Variants in SYNE1 observed in about 807,000 individuals in gnomAD.
SYNE1 encodes spectrin repeat containing nuclear envelope protein 1.
A neutral mutation model predicts 1,111.0 loss-of-function variants in SYNE1; 616 were observed. That is an observed-to-expected ratio of 0.55 (90% CI 0.52 to 0.59). The LOEUF is 0.59. Ranked by LOEUF, SYNE1 falls within the 20% of genes least tolerant of loss-of-function variation. The pLI is 0.00. For missense variants in SYNE1, 10,006 were observed against 10,417.0 expected (o/e 0.96, Z 1.72); for synonymous variants, 3,855 against 3,825.8 (o/e 1.01, Z -0.28).
At chr6:152,502,774 T>G in intron 9 of SYNE1, 32 bp from the exon 10 acceptor site, 1 of 1,452,076 alleles carries the variant, frequency 6.9e-7, no homozygotes, top group Non-Finnish European at 9.7e-7. Context: ...GTGAATAAAC[T>G]AATTAGCATT....
At chr6:152,497,197 C>G (rs991670879) in intron 11 of SYNE1, among the ~76,000 whole-genome samples, 3 of 152,156 alleles carry the variant, frequency 2.0e-5, no homozygotes, top group Non-Finnish European at 2.9e-5. Context: ...TAATCTCCAT[C>G]ATCTAACACA....
rs565595895 is a variant in SYNE1 at position 152,203,682 on chromosome 6, T to A, written c.23020-1733A>T. 4.6e-3 allele frequency among the ~76,000 whole-genome samples: 708 copies of A among 152,304 alleles called. 6 individuals carry two copies. Among genetic ancestry groups the A allele is most frequent in the Non-Finnish European group, 6.3e-3 (431 of 68,012 alleles). Reference sequence around the variant, plus strand: ...AGAGGTGTTATTACCACAACTATTTTCTGGAAGCAGTGTTGACTAAAGTGC... The same window carrying A: ...AGAGGTGTTATTACCACAACTATTTACTGGAAGCAGTGTTGACTAAAGTGC... On this transcript the variant is annotated intron_variant, in intron 126 of 145. Coordinates refer to ENST00000367255, the MANE Select transcript of SYNE1 (RefSeq NM_182961.4).
At chr6:152,559,582 T>G (rs2099388023) in intron 3 of SYNE1, among the ~76,000 whole-genome samples, 1 of 152,106 alleles carries the variant, frequency 6.6e-6, no homozygotes, top group African/African-American at 2.4e-5. Flanking sequence ...TATCTTGAGA[T>G]GAATGAAAAT....
In SYNE1 at chr6:152,350,298, T is replaced by C. The variant is rs756029164; in HGVS notation, c.11771A>G (p.His3924Arg). ...VFSLEAKVKD[H>R]EDYNSELQEV... ...TTGGAGCTCACTGTTGTAGTCTTCA[T>C]GGTCTTTGACTTTCGCCTCCAGACT... The change falls in exon 72 of 146, where the codon CAT (histidine) becomes CGT (arginine). Residue 3924 changes from histidine to arginine, a missense_variant. By Grantham distance (29) the His-to-Arg change is conservative. Transcript: ENST00000367255. The C allele has an allele frequency of 5.6e-6, 9 of 1,614,076 alleles. No homozygotes were observed. The Admixed American group carries it at 1.3e-4, about 24-fold the overall frequency.
rs75437834 is a variant in SYNE1, at chr6:152,568,925, T to G, written c.68-28904A>C. Reference sequence around the variant, plus strand: ...AAAAAACAATGAGATAAGCATAATATCCAGGGGTAACTTTTAAACAAAAAG... The same window carrying G: ...AAAAAACAATGAGATAAGCATAATAGCCAGGGGTAACTTTTAAACAAAAAG... On this transcript the variant is annotated intron_variant, in intron 3 of 145. Transcript: ENST00000367255. Among the ~76,000 whole-genome samples, 17 of 152,328 alleles carry G rather than the reference T, an allele frequency of 1.1e-4. No individual in the cohort carries two copies. In the East Asian group the frequency reaches 3.3e-3, roughly 29 times the overall value.
intron 145 of SYNE1, 123 bp from the exon 146 acceptor site, chr6:152,122,799 G>T: frequency 6.8e-7 from 1 of 1,479,736 alleles, no homozygotes; most frequent in Non-Finnish European, 9.2e-7. Context: ...CTGGCGATCA[G>T]CTGCCAGCCT....
intron 140 of SYNE1, 123 bp from the exon 141 acceptor site, chr6:152,136,941 T>A: frequency 2.0e-6 from 2 of 1,024,552 alleles, no homozygotes; most frequent in Non-Finnish European, 3.0e-6. Flanking sequence ...GATGGCTAGG[T>A]AAAAGACAGA....
Position 152,519,003 on chromosome 6 carries a change from G to C in SYNE1, c.309+1456C>G, listed in dbSNP as rs900872469. Among the ~76,000 whole-genome samples the C allele has an allele frequency of 2.7e-5, 4 of 150,488 alleles. No individual in the cohort carries two copies. The South Asian group carries it at 8.5e-4, about 32-fold the overall frequency. On this transcript the variant is annotated intron_variant, in intron 6 of 145. Coordinates refer to ENST00000367255, the MANE Select transcript of SYNE1 (RefSeq NM_182961.4). ...GGACTGTTGTAGGGTGGGGGGAGGG[G>C]GGAGGGATAGCATTAGGAGATATAC...
At chr6:152,562,481 G>A (rs1205143973) in intron 3 of SYNE1, among the ~76,000 whole-genome samples, 2 of 152,124 alleles carry the variant, frequency 1.3e-5, no homozygotes, top group African/African-American at 4.8e-5. Flanking sequence ...ATGGAAAACA[G>A]TATGAAGATT....
At chr6:152,314,084 T>G (rs2095636680) in intron 87 of SYNE1, among the ~76,000 whole-genome samples, 1 of 152,220 alleles carries the variant, frequency 6.6e-6, no homozygotes, top group Non-Finnish European at 1.5e-5. Flanking sequence ...GGCCTTGTCA[T>G]CTTCTACTGA....
chr6:152,408,420 A>G (rs755610241), intron 44 of SYNE1, among the ~76,000 whole-genome samples: 5 of 152,174 alleles, frequency 3.3e-5, no homozygotes, highest in Non-Finnish European at 5.9e-5. Context: ...AAATTATTAT[A>G]TGTTATGGTG....
At chr6:152,230,069 G>T (rs180970654) in intron 115 of SYNE1, among the ~76,000 whole-genome samples, 1,942 of 151,466 alleles carry the variant, frequency 0.013, 19 homozygotes, top group Non-Finnish European at 0.018. Flanking sequence ...GTCTCACTCT[G>T]TCACCCAGGC....
intron 21 of SYNE1, 70 bp from the exon 22 acceptor site, chr6:152,459,000 G>T: frequency 2.2e-6 from 3 of 1,337,762 alleles, no homozygotes; most frequent in South Asian, 1.2e-5. Context: ...AACGTTCATA[G>T]CTCTGAGGAA....
At chr6:152,125,380 G>A (rs1210225898) in intron 145 of SYNE1, 21 of 1,541,254 alleles carry the variant, frequency 1.4e-5, no homozygotes, top group Non-Finnish European at 1.8e-5. Context: ...ACAGTATCCT[G>A]CAGATCATCA....
rs757045399 is a variant in SYNE1 at position 152,430,121 on chromosome 6, T to C, written c.4779A>G (p.Gln1593=). ...TGAAGCATACTCTTACCATATGTTCTTGAAGAACTTTGTATGTTTCTGTAG... is the reference window on the plus strand; with the variant it reads ...TGAAGCATACTCTTACCATATGTTCCTGAAGAACTTTGTATGTTTCTGTAG... The part of the protein sequence containing the change: ...SSATETYKVL[Q]EHMDLCQALE... Residue 1593 remains glutamine (Q), a synonymous_variant, in exon 36 of 146, where the codon CAA becomes CAG. Transcript: ENST00000367255. The C allele has an allele frequency of 6.3e-6, 10 of 1,593,150 alleles. No homozygotes were observed. In the South Asian group the frequency reaches 1.0e-4, roughly 16 times the overall value.
chr6:152,140,136 G>A lies in SYNE1; in HGVS notation c.25272C>T (p.Leu8424=), dbSNP rs1562958845. Residue 8424 remains leucine (L), a synonymous_variant, in exon 140 of 146, where the codon CTC becomes CTT. Coordinates refer to ENST00000367255, the MANE Select transcript of SYNE1 (RefSeq NM_182961.4). The part of the protein sequence containing the change: ...TAGVIDRWEL[L]QAQALSKELR... Reference sequence around the variant, plus strand: ...ACTCCTTGCTCAATGCCTGGGCCTGGAGAAGCTCCCATCGGTCAATCACAC... The same window carrying A: ...ACTCCTTGCTCAATGCCTGGGCCTGAAGAAGCTCCCATCGGTCAATCACAC... The A allele has an allele frequency of 1.2e-6, 2 of 1,614,180 alleles. No individual in the cohort carries two copies. Among genetic ancestry groups the A allele is most frequent in the East Asian group, 2.2e-5 (1 of 44,882 alleles).
intron 3 of SYNE1, among the ~76,000 whole-genome samples, chr6:152,600,859 A>G (rs2099594471): frequency 6.6e-6 from 1 of 152,202 alleles, no homozygotes; most frequent in African/African-American, 2.4e-5. Flanking sequence ...TGCACTGTGA[A>G]ATTAAAAACT....
intron 104 of SYNE1, among the ~76,000 whole-genome samples, chr6:152,252,535 C>CT (rs1465491071): frequency 6.6e-6 from 1 of 152,092 alleles, no homozygotes; most frequent in Non-Finnish European, 1.5e-5. Context: ...TCCAAATAGT[C>CT]TTTTTGGTAT....
rs770544632 is a variant in SYNE1 at position 152,149,436 on chromosome 6, C to A, written c.24642+41G>T. 1.6e-5 allele frequency: 26 copies of A among 1,612,550 alleles called. No individual in the cohort carries two copies. In the Admixed American group the frequency reaches 3.5e-4, roughly 22 times the overall value. On this transcript the variant is annotated intron_variant, in intron 136 of 145. Transcript: ENST00000367255. ...AACCCAATCCCACACGACTTATTCT[C>A]TTTAGATTTAATGACAACTAAGAAA... is the stretch of plus-strand genomic sequence containing the variant.
Sources: gnomAD v4.1 joint callset for allele counts (sites outside exome capture counted in the v4.1 genomes callset) on GRCh38, gnomAD v4.1.1 for gene constraint, MANE v1.5 for transcripts, NCBI Gene and HGNC (gene_info 2026-07-23, HGNC 2026-07-21) for gene names.